Variants in ODF2L observed in about 807,000 individuals in gnomAD.
ODF2L encodes protein BCAP.
In ODF2L, 76 loss-of-function variants were observed where a neutral mutation model predicts 86.3. That is an observed-to-expected ratio of 0.88 (90% CI 0.73 to 1.07). The LOEUF (loss-of-function observed/expected upper bound fraction) is 1.07, where lower values mean the gene tolerates loss of function less well. Among genes scored for constraint, ODF2L ranks in the 50% least tolerant of loss-of-function variants. The probability of loss-of-function intolerance (pLI) is 0.00; values close to 1 mark genes in which losing one functional copy is unlikely to be tolerated. For missense variants in ODF2L, 748 were observed against 717.4 expected, an observed-to-expected ratio of 1.04 and a Z score of -0.49; for synonymous variants, 241 against 231.3, an observed-to-expected ratio of 1.04 and a Z score of -0.38.
exon 14 of ODF2L, chr1:86,356,539 C>T: frequency 6.2e-7 from 1 of 1,614,108 alleles, no homozygotes; most frequent in Non-Finnish European, 8.5e-7. Context: ...CTCCGTTCCG[C>T]CGCCGTCAAG....
At chr1:86,355,164 A>C (rs1658444761) in intron 14 of ODF2L, 1 of 542,104 alleles carries the variant, frequency 1.8e-6, no homozygotes. Context: ...GTTAAGTTGA[A>C]ATAGGAAAAT....
chr1:86,362,976 C>T (rs1000837770), intron 11 of ODF2L, among the ~76,000 whole-genome samples: 1 of 152,054 alleles, frequency 6.6e-6, no homozygotes, highest in African/African-American at 2.4e-5. Flanking sequence ...TTTATAGAAA[C>T]AACTCTACTG....
intron 10 of ODF2L, among the ~76,000 whole-genome samples, chr1:86,370,192 A>G (rs2101013604): frequency 6.6e-6 from 1 of 152,186 alleles, no homozygotes; most frequent in East Asian, 1.9e-4. Context: ...CTCAAGGACC[A>G]CAGAATATAT....
intron 14 of ODF2L, among the ~76,000 whole-genome samples, 153 bp downstream of exon 13, chr1:86,356,291 T>A (rs1182099): frequency 0.69 from 105,287 of 152,118 alleles, 36,816 homozygotes; most frequent in East Asian, 0.83. Context: ...CTTGCAAAAC[T>A]GTATTATAGT....
chr1:86,368,714 G>A, exon 11 of ODF2L: 1 of 1,443,360 alleles, frequency 6.9e-7, no homozygotes, highest in Admixed American at 2.3e-5. Flanking sequence ...TTCTACATGG[G>A]AATCTAAGCT....
chr1:86,390,203 G>A (rs1009721323), intron 1 of ODF2L, among the ~76,000 whole-genome samples: 6 of 152,032 alleles, frequency 3.9e-5, no homozygotes, highest in Non-Finnish European at 5.9e-5. Context: ...CGGGTGGATC[G>A]TGAGGTCAGG....
At chr1:86,393,036 A>G (rs1183676247) in intron 1 of ODF2L, among the ~76,000 whole-genome samples, 1 of 152,180 alleles carries the variant, frequency 6.6e-6, no homozygotes, top group East Asian at 1.9e-4. Context: ...GCATTTGGGG[A>G]TAACTGCTCA....
At chr1:86,372,681 A>C in intron 8 of ODF2L, 141 bp from the exon 9 acceptor site, 1 of 487,740 alleles carries the variant, frequency 2.1e-6, no homozygotes. Context: ...CTATACATGC[A>C]TGTTTATAGC....
chr1:86,354,813 T>C (rs763203208), exon 15 of ODF2L: 2 of 1,608,236 alleles, frequency 1.2e-6, no homozygotes, highest in Non-Finnish European at 1.7e-6. Context: ...AAGACAGTTT[T>C]CCTCTTCCAG....
chr1:86,365,809 AG>A (rs1248822218), intron 11 of ODF2L, among the ~76,000 whole-genome samples: 1 of 152,228 alleles, frequency 6.6e-6, no homozygotes, highest in African/African-American at 2.4e-5. Flanking sequence ...GCTAAAGGCA[AG>A]AGTGAGACCT....
intron 11 of ODF2L, among the ~76,000 whole-genome samples, chr1:86,366,761 A>C (rs879499317): frequency 1.3e-5 from 2 of 152,152 alleles, no homozygotes; most frequent in Admixed American, 6.5e-5. Context: ...AAGGATTAGG[A>C]GATAAAAACC....
intron 11 of ODF2L, among the ~76,000 whole-genome samples, chr1:86,364,586 A>T (rs272501): frequency 0.69 from 105,293 of 152,082 alleles, 36,837 homozygotes; most frequent in East Asian, 0.83. Flanking sequence ...GCAGGGGTCA[A>T]GTGCCTAAGT....
At chr1:86,389,316 A>C (rs927287052) in intron 1 of ODF2L, among the ~76,000 whole-genome samples, 1 of 152,168 alleles carries the variant, frequency 6.6e-6, no homozygotes, top group African/African-American at 2.4e-5. Context: ...ATCATTTTAA[A>C]GATAACTTAA....
chr1:86,381,400 C>A (rs1415922236), intron 7 of ODF2L, among the ~76,000 whole-genome samples: 1 of 151,964 alleles, frequency 6.6e-6, no homozygotes, highest in Non-Finnish European at 1.5e-5. Context: ...AATTTATTAT[C>A]CCCCATAAAC....
intron 7 of ODF2L, among the ~76,000 whole-genome samples, chr1:86,378,587 G>A (rs1314813336): frequency 6.6e-6 from 1 of 152,146 alleles, no homozygotes; most frequent in Non-Finnish European, 1.5e-5. Context: ...CACATGGCTA[G>A]GGAGGCCTCA....
At chr1:86,395,098 C>A (rs1661634675) in intron 1 of ODF2L, among the ~76,000 whole-genome samples, 1 of 152,178 alleles carries the variant, frequency 6.6e-6, no homozygotes, top group African/African-American at 2.4e-5. Context: ...CCGCCTCGGC[C>A]TCCCAAAGTG....
intron 11 of ODF2L, 165 bp from the exon 11 acceptor site, chr1:86,360,701 G>A (rs531564103): frequency 1.2e-5 from 5 of 418,274 alleles, no homozygotes; most frequent in East Asian, 1.1e-4. Flanking sequence ...CAAAGCTAGT[G>A]ACTAATAATT....
At chr1:86,367,611 G>T (rs1038786171) in intron 11 of ODF2L, among the ~76,000 whole-genome samples, 2 of 149,830 alleles carry the variant, frequency 1.3e-5, no homozygotes, top group Non-Finnish European at 3.0e-5. Flanking sequence ...TAAGGGCAAA[G>T]AGTACAACAA....
At chr1:86,382,392 C>T (rs772593564) in intron 6 of ODF2L, 34 bp from the exon 7 acceptor site, 3 of 1,604,988 alleles carry the variant, frequency 1.9e-6, no homozygotes, top group African/African-American at 2.7e-5. Context: ...CCAAAAAAAT[C>T]CATATTATTT....
Sources: allele counts gnomAD v4.1 joint callset (sites outside exome capture counted in the v4.1 genomes callset), GRCh38; gene constraint gnomAD v4.1.1; transcripts MANE v1.5; gene names NCBI Gene and HGNC (gene_info 2026-07-23, HGNC 2026-07-21).